CSMD2: variants seen among roughly 807,000 people sequenced by gnomAD.
The protein encoded by CSMD2 is CUB and Sushi multiple domains 2, also known as CUB and sushi domain-containing protein 2.
Under a neutral mutation model 398.5 loss-of-function variants are expected in CSMD2, and 130 were observed. The observed-to-expected ratio is 0.33, with a 90% CI of 0.28 to 0.38. The LOEUF is 0.38. CSMD2 is among the 10% of genes least tolerant of loss of function. The pLI, the probability that CSMD2 is intolerant of heterozygous loss-of-function variation, is 1.00. For missense variants in CSMD2, 3,829 were observed against 4,764.9 expected (o/e 0.80, Z 5.78); for synonymous variants, 1,828 against 1,908.5 (o/e 0.96, Z 1.10).
chr1:33,606,138 G>T, intron 41 of CSMD2: 1 of 1,254,076 alleles, frequency 8.0e-7, no homozygotes, highest in East Asian at 2.6e-5. Flanking sequence ...GGAAGCAGCT[G>T]AGGCCAGTCC....
At chr1:33,608,553 T>C (rs1008332287) in intron 41 of CSMD2, among the ~76,000 whole-genome samples, 3 of 152,204 alleles carry the variant, frequency 2.0e-5, no homozygotes, top group African/African-American at 7.2e-5. Flanking sequence ...ACAGGATCTT[T>C]ACCAAACTTA....
At position 33,636,515 on chromosome 1, in the gene CSMD2, T is replaced by C. The variant is rs1312754082; in HGVS notation, c.4814A>G (p.Lys1605Arg). 1 of 1,614,162 alleles carries C rather than the reference T, an allele frequency of 6.2e-7. No individual in the cohort carries two copies. Among genetic ancestry groups the C allele is most frequent in the East Asian group, 2.2e-5 (1 of 44,860 alleles). Residue 1605 changes from lysine (K) to arginine (R), a missense_variant, in exon 30 of 71, where the codon AAG becomes AGG. Physicochemically the swap from Lys to Arg is conservative, Grantham distance 26. Transcript: ENST00000373381. The surrounding 1 kb of genome is among the most constrained non-coding windows in gnomAD (Gnocchi z 4.8). Reference protein sequence around the residue: ...RESCFDPGSIKNGTRVGSDLK... With the variant: ...RESCFDPGSIRNGTRVGSDLK... The stretch of plus-strand genomic sequence containing the variant: ...GTCGGACCCCACCCGTGTGCCGTTC[T>C]TGATGGAACCAGGATCAAAACATGA...
At chr1:33,926,973 C>A (rs1474962028) in intron 4 of CSMD2, among the ~76,000 whole-genome samples, 1 of 152,194 alleles carries the variant, frequency 6.6e-6, no homozygotes, top group Non-Finnish European at 1.5e-5. Flanking sequence ...TACCATCTTG[C>A]ATGCCTAGAA....
At chr1:33,526,134 A>G (rs898768698) in intron 65 of CSMD2, among the ~76,000 whole-genome samples, 3 of 152,226 alleles carry the variant, frequency 2.0e-5, no homozygotes, top group Non-Finnish European at 4.4e-5. Flanking sequence ...TTATTTGTCA[A>G]TTAAAATTAA....
At chr1:33,736,216 C>T (rs1267789331) in intron 15 of CSMD2, among the ~76,000 whole-genome samples, 2 of 152,166 alleles carry the variant, frequency 1.3e-5, no homozygotes, top group Admixed American at 1.3e-4. Flanking sequence ...AAATGAAGAC[C>T]TTGCTTATGA....
At chr1:33,784,935 C>T (rs1285224896) in intron 12 of CSMD2, among the ~76,000 whole-genome samples, 1 of 152,182 alleles carries the variant, frequency 6.6e-6, no homozygotes, top group East Asian at 1.9e-4. Flanking sequence ...ACAGCTGGGA[C>T]CACACTGGGA....
intron 28 of CSMD2, among the ~76,000 whole-genome samples, chr1:33,649,909 G>A (rs751160685): frequency 5.9e-5 from 9 of 152,138 alleles, no homozygotes; most frequent in Admixed American, 1.3e-4. Context: ...TGGGAGGCAC[G>A]GGGCACAGAG....
At chr1:33,734,805 A>C (rs1275921070) in intron 15 of CSMD2, among the ~76,000 whole-genome samples, 1 of 152,032 alleles carries the variant, frequency 6.6e-6, no homozygotes, top group African/African-American at 2.4e-5. Flanking sequence ...AAGAAAAAAG[A>C]AAAAGAAAAA....
intron 2 of CSMD2, among the ~76,000 whole-genome samples, chr1:34,083,001 T>C (rs1571050122): frequency 1.3e-5 from 2 of 150,348 alleles, no homozygotes; most frequent in East Asian, 2.0e-4. Context: ...GCTGACCTTC[T>C]CTCCACTATT....
rs1317708185 is a variant in CSMD2 at position 33,519,680 on chromosome 1, G to A, written c.10737-3C>T. ...TGAAAGGAACTTTGGGTCTTCTCCT[G>A]GCGATAAAAGAGGAAGTGCCCACGG... On this transcript the variant is annotated splice_polypyrimidine_tract_variant and splice_region_variant and intron_variant, in intron 69 of 70. Coordinates refer to ENST00000373381, the MANE Select transcript of CSMD2 (RefSeq NM_001281956.2). This position sits in a 1 kb window ranked among gnomAD's most constrained non-coding sequence, Gnocchi z 5.6. The A allele has an allele frequency of 1.2e-6, 2 of 1,613,934 alleles. No individual in the cohort carries two copies. Among genetic ancestry groups the A allele is most frequent in the Admixed American group, 1.7e-5 (1 of 59,986 alleles).
At chr1:33,839,127 A>C (rs952915666) in intron 6 of CSMD2, 8 of 152,258 alleles carry the variant, frequency 5.3e-5, no homozygotes, top group Non-Finnish European at 8.8e-5. Context: ...AAAATACTGA[A>C]TGAATTAGAC....
At chr1:34,059,276 G>A (rs1459641363) in intron 2 of CSMD2, among the ~76,000 whole-genome samples, 1 of 152,160 alleles carries the variant, frequency 6.6e-6, no homozygotes, top group Non-Finnish European at 1.5e-5. Flanking sequence ...GGGCTGAGAG[G>A]GGTGGAGCGA....
At chr1:33,662,547 A>G (rs1467184878) in intron 26 of CSMD2, among the ~76,000 whole-genome samples, 1 of 152,134 alleles carries the variant, frequency 6.6e-6, no homozygotes, top group Non-Finnish European at 1.5e-5. Flanking sequence ...TCCTTGAAAC[A>G]CTTTCTTTTC....
At chr1:34,100,771 A>G (rs560440825) in intron 1 of CSMD2, among the ~76,000 whole-genome samples, 2 of 152,242 alleles carry the variant, frequency 1.3e-5, no homozygotes, top group African/African-American at 4.8e-5. Flanking sequence ...ATTGTAAATA[A>G]GACCTGGACC....
rs116377721 is a variant in CSMD2, at chr1:33,991,075, G to C, written c.517+41519C>G. Among the ~76,000 whole-genome samples the C allele has an allele frequency of 3.3e-3, 503 of 151,180 alleles. 4 individuals carry two copies. Among genetic ancestry groups the C allele is most frequent in the African/African-American group, 0.012 (487 of 41,146 alleles). On this transcript the variant is annotated intron_variant, in intron 3 of 70. Coordinates refer to ENST00000373381, the MANE Select transcript of CSMD2 (RefSeq NM_001281956.2). ...TGTCTGTTGCCCAGACTGGAGTACA[G>C]AGGCATAATCTTAGATCACTGCAGC...
chr1:33,811,006 T>A, intron 9 of CSMD2, 142 bp from the exon 10 acceptor site: 1 of 890,690 alleles, frequency 1.1e-6, no homozygotes, highest in South Asian at 1.7e-5. Flanking sequence ...GTCCTTCCTC[T>A]ACAGTTCTTG....
chr1:33,995,177 G>T (rs929693707), intron 3 of CSMD2, among the ~76,000 whole-genome samples: 1 of 152,142 alleles, frequency 6.6e-6, no homozygotes, highest in Admixed American at 6.5e-5. Flanking sequence ...GAGAAGAAAG[G>T]TTCTCCAAGA....
intron 3 of CSMD2, among the ~76,000 whole-genome samples, chr1:33,955,826 G>A (rs953794288): frequency 6.6e-6 from 1 of 152,122 alleles, no homozygotes; most frequent in Admixed American, 6.5e-5. Flanking sequence ...CCGGCGTTCA[G>A]TCTACTTTCT....
At chr1:33,807,239 C>G (rs1656333967) in intron 10 of CSMD2, among the ~76,000 whole-genome samples, 1 of 152,142 alleles carries the variant, frequency 6.6e-6, no homozygotes. Context: ...TACTAGCGTT[C>G]TTTCAAGAAC....
Sources: allele counts gnomAD v4.1 joint callset (sites outside exome capture counted in the v4.1 genomes callset), GRCh38; gene constraint gnomAD v4.1.1; non-coding constraint Gnocchi (gnomAD v3.1); transcripts MANE v1.5; gene names NCBI Gene and HGNC (gene_info 2026-07-23, HGNC 2026-07-21).